The following ANK1 variants were observed in gnomAD, a reference collection of about 807,000 sequenced individuals.
The protein encoded by ANK1 is ankyrin 1.
In ANK1, 51 loss-of-function variants were observed where a neutral mutation model predicts 210.4. The ratio of observed to expected loss-of-function variants is 0.24; its 90% CI spans 0.19 to 0.31. The LOEUF (loss-of-function observed/expected upper bound fraction) is 0.31, where lower values mean the gene tolerates loss of function less well. Among genes scored for constraint, ANK1 ranks in the 10% least tolerant of loss-of-function variants. ANK1 has a pLI of 1.00. For missense variants in ANK1, 2,051 were observed against 2,504.4 expected, an observed-to-expected ratio of 0.82 and a Z score of 3.86; for synonymous variants, 967 against 1,025.9, an observed-to-expected ratio of 0.94 and a Z score of 1.10.
rs192286284 is a variant in ANK1, at chr8:41,812,779, G to A, written c.127-54642C>T. On this transcript the variant is annotated intron_variant, in intron 1 of 42. Transcript: ENST00000265709. ...TTCCACCTCAGATCATCAGACATTA[G>A]TTAAATTATAAGGAGTGCGCAACCT... Among the ~76,000 whole-genome samples, 25 of 152,242 alleles carry A rather than the reference G, an allele frequency of 1.6e-4. No individual in the cohort carries two copies. The East Asian group carries it at 4.4e-3, about 27-fold the overall frequency.
intron 33 of ANK1, among the ~76,000 whole-genome samples, 198 bp from the exon 34 acceptor site, chr8:41,688,787 T>C (rs997861564): frequency 1.3e-5 from 2 of 152,186 alleles, no homozygotes; most frequent in Non-Finnish European, 2.9e-5. Flanking sequence ...GAAGCGCACA[T>C]GCGTTATTAA....
intron 1 of ANK1, among the ~76,000 whole-genome samples, chr8:41,864,786 C>T (rs781633730): frequency 4.6e-5 from 7 of 152,160 alleles, no homozygotes; most frequent in African/African-American, 7.2e-5. Context: ...GCATCCAGAA[C>T]CGAAGAAACT....
In ANK1 at chr8:41,704,244, T is replaced by C; in HGVS notation, c.2197-105A>G. 2.2e-6 allele frequency: 3 copies of C among 1,365,802 alleles called. No homozygotes were observed. Among genetic ancestry groups the C allele is most frequent in the Non-Finnish European group, 3.1e-6 (3 of 957,004 alleles). The allele number at this position is 1,365,802 out of a possible 1,614,324, so 84.6% of individuals were successfully genotyped here. ...TCTTCGAAGTGGGACATTAATGAAATGCATTTTCCCCCTTTCTTCCTTCAG... is the reference window on the plus strand; with the variant it reads ...TCTTCGAAGTGGGACATTAATGAAACGCATTTTCCCCCTTTCTTCCTTCAG... On this transcript the variant is annotated intron_variant, in intron 19 of 42. Transcript: ENST00000289734. The surrounding 1 kb of genome is among the most constrained non-coding windows in gnomAD (Gnocchi z 4.1).
chr8:41,787,452 C>T (rs967703218), intron 1 of ANK1, among the ~76,000 whole-genome samples: 1 of 152,124 alleles, frequency 6.6e-6, no homozygotes, highest in Non-Finnish European at 1.5e-5. Flanking sequence ...CACCCCCCAA[C>T]CCCCAGCCCA....
At chr8:41,684,841 T>C (rs888290038) in intron 36 of ANK1, 151 bp from the exon 37 acceptor site, 2 of 981,874 alleles carry the variant, frequency 2.0e-6, no homozygotes, top group East Asian at 2.6e-5. Flanking sequence ...CAAAACAAAC[T>C]TCCTCTGGGG....
intron 1 of ANK1, among the ~76,000 whole-genome samples, chr8:41,803,126 A>AAGGAAAGGAAAGGAC (rs1850403305): frequency 6.7e-6 from 1 of 149,316 alleles, no homozygotes; most frequent in Non-Finnish European, 1.5e-5. Flanking sequence ...AAGGAAAGGA[A>AAGGAAAGGAAAGGAC]AGGAAAGGAA....
chr8:41,882,073 G>T (rs902878636), intron 1 of ANK1, among the ~76,000 whole-genome samples: 1 of 152,038 alleles, frequency 6.6e-6, no homozygotes, highest in East Asian at 1.9e-4. Context: ...ACTGTTGAAG[G>T]CTTCCCCCCG....
chr8:41,807,457 G>C (rs992024959), intron 1 of ANK1, among the ~76,000 whole-genome samples: 3 of 152,162 alleles, frequency 2.0e-5, no homozygotes, highest in African/African-American at 7.2e-5. Context: ...AGTCCGTACT[G>C]CCCTGTCTGT....
chr8:41,787,626 T>A (rs1270237033), intron 1 of ANK1, among the ~76,000 whole-genome samples: 6 of 152,098 alleles, frequency 3.9e-5, no homozygotes, highest in Non-Finnish European at 7.4e-5. Context: ...AGTCAAAACA[T>A]GGCTCATCTG....
chr8:41,716,630 A>C (rs1827752951), intron 13 of ANK1, among the ~76,000 whole-genome samples: 1 of 152,102 alleles, frequency 6.6e-6, no homozygotes, highest in Non-Finnish European at 1.5e-5. Context: ...TTCTTGCCTG[A>C]TTTTTGCTGG....
intron 1 of ANK1, among the ~76,000 whole-genome samples, chr8:41,883,126 A>G (rs557402109): frequency 5.3e-5 from 8 of 152,362 alleles, no homozygotes; most frequent in African/African-American, 1.7e-4. Flanking sequence ...CTGTTAACAA[A>G]GAGCACAGCC....
At chr8:41,774,364 C>A (rs1205310528) in intron 1 of ANK1, among the ~76,000 whole-genome samples, 3 of 152,200 alleles carry the variant, frequency 2.0e-5, no homozygotes, top group Non-Finnish European at 4.4e-5. Flanking sequence ...CCAGTCAACT[C>A]AGATTTCTAA....
chr8:41,838,553 G>A (rs1808222383), intron 1 of ANK1, among the ~76,000 whole-genome samples: 1 of 152,182 alleles, frequency 6.6e-6, no homozygotes, highest in South Asian at 2.1e-4. Context: ...ATCACCTGAG[G>A]TCAGGAGTTG....
intron 26 of ANK1, 115 bp from the exon 27 acceptor site, chr8:41,695,446 T>C (rs1820614635): frequency 7.0e-7 from 1 of 1,436,180 alleles, no homozygotes; most frequent in Non-Finnish European, 9.7e-7. Context: ...CGCAGCCACG[T>C]GGAGGCCCCA....
In ANK1 at chr8:41,696,494, G is replaced by A. The variant is rs775492116; in HGVS notation, c.2829C>T (p.Cys943=). 8 of 1,613,464 alleles carry A rather than the reference G, an allele frequency of 5.0e-6. No individual in the cohort carries two copies. Among genetic ancestry groups the A allele is most frequent in the East Asian group, 2.2e-5 (1 of 44,866 alleles). Residue 943 remains cysteine, a synonymous_variant, in exon 26 of 43, where the codon TGC becomes TGT. Transcript: ENST00000289734. The part of the protein sequence containing the change: ...GLRVVIPPRT[C]AAPTRITCRL... ...GGCAGGTGATGCGGGTGGGCGCTGCGCACGTCCGTGGCGGGATCACCACTC... is the reference window on the plus strand; with the variant it reads ...GGCAGGTGATGCGGGTGGGCGCTGCACACGTCCGTGGCGGGATCACCACTC...
At chr8:41,856,590 A>G (rs1812207934) in intron 1 of ANK1, among the ~76,000 whole-genome samples, 1 of 152,210 alleles carries the variant, frequency 6.6e-6, no homozygotes, top group South Asian at 2.1e-4. Flanking sequence ...AAAAGTGACT[A>G]CAGGTTGAGT....
chr8:41,868,928 C>A (rs533304025), intron 1 of ANK1, among the ~76,000 whole-genome samples: 1 of 152,174 alleles, frequency 6.6e-6, no homozygotes, highest in Non-Finnish European at 1.5e-5. Context: ...AGAAGGAATG[C>A]GAACACCCAG....
chr8:41,666,389 G>A (rs1585866343), intron 39 of ANK1, among the ~76,000 whole-genome samples: 1 of 152,194 alleles, frequency 6.6e-6, no homozygotes. Flanking sequence ...GTAAGTAAAC[G>A]GAGGAGTCAC....
intron 3 of ANK1, among the ~76,000 whole-genome samples, chr8:41,731,777 T>G (rs1832239673): frequency 6.6e-6 from 1 of 152,156 alleles, no homozygotes; most frequent in Non-Finnish European, 1.5e-5. Flanking sequence ...AATCACAACC[T>G]GGGGAGGAGA....
Sources: allele counts gnomAD v4.1 joint callset (sites outside exome capture counted in the v4.1 genomes callset), GRCh38; gene constraint gnomAD v4.1.1; non-coding constraint Gnocchi (gnomAD v3.1); transcripts MANE v1.5; gene names NCBI Gene and HGNC (gene_info 2026-07-23, HGNC 2026-07-21).